The following ATG5 variants were observed in gnomAD, a reference collection of about 807,000 sequenced individuals.
The protein encoded by ATG5 is autophagy related 5.
In ATG5, 14 loss-of-function variants were observed where a neutral mutation model predicts 36.5. That is an observed-to-expected ratio of 0.38 (90% CI 0.25 to 0.60). The LOEUF is 0.60. Among genes scored for constraint, ATG5 ranks in the 20% least tolerant of loss-of-function variants. The pLI, the probability that ATG5 is intolerant of heterozygous loss-of-function variation, is 0.60. For missense variants in ATG5, 195 were observed against 326.7 expected, an observed-to-expected ratio of 0.60 and a Z score of 3.11; for synonymous variants, 95 against 101.5, an observed-to-expected ratio of 0.94 and a Z score of 0.38.
At chr6:106,240,401 TAAG>T (rs748291103) in intron 6 of ATG5, among the ~76,000 whole-genome samples, 186 of 118,750 alleles carry the variant, frequency 1.6e-3, no homozygotes, top group Non-Finnish European at 2.1e-3. Flanking sequence ...AATAAAAAGT[TAAG>T]AAGAAAAGAT....
intron 3 of ATG5, among the ~76,000 whole-genome samples, chr6:106,296,636 G>A (rs1769952139): frequency 1.3e-5 from 2 of 152,084 alleles, no homozygotes; most frequent in African/African-American, 2.4e-5. Flanking sequence ...TGACCAATAA[G>A]GTGAAACCCC....
At chr6:106,194,535 TTTTC>T (rs1234077516) in intron 7 of ATG5, among the ~76,000 whole-genome samples, 9 of 124,460 alleles carry the variant, frequency 7.2e-5, no homozygotes, top group African/African-American at 1.2e-4. Context: ...TTTCTTTTCT[TTTTC>T]TTTTTCTTTT....
intron 7 of ATG5, among the ~76,000 whole-genome samples, chr6:106,191,358 T>C (rs916973810): frequency 3.9e-5 from 6 of 152,064 alleles, no homozygotes; most frequent in African/African-American, 1.2e-4. Flanking sequence ...TGCTTGCTGA[T>C]TTATAACCCA....
chr6:106,253,261 C>A (rs907023356), intron 5 of ATG5, among the ~76,000 whole-genome samples: 1 of 152,152 alleles, frequency 6.6e-6, no homozygotes, highest in African/African-American at 2.4e-5. Flanking sequence ...AGAATCAGCC[C>A]TTGAAAATTC....
At chr6:106,211,913 T>G (rs1776867145) in intron 6 of ATG5, among the ~76,000 whole-genome samples, 2 of 152,224 alleles carry the variant, frequency 1.3e-5, no homozygotes, top group Admixed American at 6.5e-5. Context: ...TTTAAGTCTT[T>G]TGAAACAGGA....
intron 5 of ATG5, among the ~76,000 whole-genome samples, chr6:106,251,134 G>C (rs1778559461): frequency 6.6e-6 from 1 of 152,230 alleles, no homozygotes; most frequent in Non-Finnish European, 1.5e-5. Context: ...TGCTTGCTCT[G>C]GAGGCCTGCA....
intron 7 of ATG5, among the ~76,000 whole-genome samples, chr6:106,187,558 G>T (rs1582521634): frequency 6.6e-6 from 1 of 152,010 alleles, no homozygotes; most frequent in East Asian, 1.9e-4. Context: ...ACAATTCTGG[G>T]TTTGTCTCCT....
At chr6:106,190,747 AAAT>A (rs918260688) in intron 7 of ATG5, among the ~76,000 whole-genome samples, 5 of 152,198 alleles carry the variant, frequency 3.3e-5, no homozygotes, top group African/African-American at 1.2e-4. Context: ...TATAGAAAAA[AAAT>A]AAGAAGAAAA....
chr6:106,316,548 G>C (rs897466215), intron 1 of ATG5, among the ~76,000 whole-genome samples: 29 of 152,212 alleles, frequency 1.9e-4, no homozygotes, highest in Middle Eastern at 3.4e-3. Flanking sequence ...AACTGTATCT[G>C]CATCAGTCTT....
At chr6:106,253,710 G>C (rs1476688858) in intron 5 of ATG5, among the ~76,000 whole-genome samples, 1 of 152,088 alleles carries the variant, frequency 6.6e-6, no homozygotes, top group Non-Finnish European at 1.5e-5. Context: ...CTCTTTTAAA[G>C]TATAAATCAT....
chr6:106,309,332 T>C (rs973219216), intron 2 of ATG5, among the ~76,000 whole-genome samples: 14 of 152,176 alleles, frequency 9.2e-5, no homozygotes, highest in South Asian at 2.1e-4. Flanking sequence ...AGAGATATTC[T>C]GGTTGAAGGA....
rs552751118 is a variant in ATG5, at chr6:106,268,558, T to C, written c.478+11103A>G. ...CCCAAAGGATTATAAATCATTCTAC[T>C]ATAAAGACACATGCAAATGTATGTT... On this transcript the variant is annotated intron_variant, in intron 5 of 7. Transcript: ENST00000369076. Among the ~76,000 whole-genome samples the C allele has an allele frequency of 6.9e-4, 105 of 152,310 alleles. 1 individual carries two copies. The highest frequency in any genetic ancestry group is 6.9e-3 in the Admixed American group (105 of 15,292).
Position 106,186,286 on chromosome 6 carries a change from A to G in ATG5, c.*254T>C. 1 of 413,238 alleles carries G rather than the reference A, an allele frequency of 2.4e-6. No homozygotes were observed. Among genetic ancestry groups the G allele is most frequent in the Non-Finnish European group, 4.3e-6 (1 of 232,548 alleles). The allele number at this position is 413,238 out of a possible 1,614,324, so 25.6% of individuals were successfully genotyped here. A position where few individuals can be genotyped will look rare whatever the true frequency, so the allele number is the denominator to read the frequency against. On this transcript the variant is annotated 3_prime_UTR_variant, in exon 8 of 8. Coordinates refer to ENST00000369076, the MANE Select transcript of ATG5 (RefSeq NM_004849.4). ...TTTCAGCTTCATTATATTTTACAGAAGACCTTCAGTGGTCCGGTAAGTCTT... is the reference window on the plus strand; with the variant it reads ...TTTCAGCTTCATTATATTTTACAGAGGACCTTCAGTGGTCCGGTAAGTCTT...
intron 6 of ATG5, among the ~76,000 whole-genome samples, chr6:106,232,378 G>T (rs146541555): frequency 1.4e-4 from 22 of 152,256 alleles, no homozygotes; most frequent in African/African-American, 5.1e-4. Flanking sequence ...ATGCCTGAAA[G>T]CCCAACTCCC....
chr6:106,194,805 T>A (rs867458298), intron 7 of ATG5, among the ~76,000 whole-genome samples: 3 of 152,182 alleles, frequency 2.0e-5, no homozygotes, highest in Non-Finnish European at 4.4e-5. Flanking sequence ...CACGTTGTTA[T>A]ACATTACATT....
At chr6:106,198,269 C>CT (rs1365170213) in intron 7 of ATG5, among the ~76,000 whole-genome samples, 4 of 152,110 alleles carry the variant, frequency 2.6e-5, no homozygotes, top group Non-Finnish European at 5.9e-5. Context: ...CACTGGTTGT[C>CT]TCTAGAAAGG....
chr6:106,286,544 G>C (rs1303023490), intron 4 of ATG5, among the ~76,000 whole-genome samples: 2 of 152,114 alleles, frequency 1.3e-5, no homozygotes, highest in African/African-American at 4.8e-5. Context: ...TCCACCACCT[G>C]GTATTCCTAT....
At chr6:106,260,309 T>G (rs1778970374) in intron 5 of ATG5, among the ~76,000 whole-genome samples, 1 of 152,218 alleles carries the variant, frequency 6.6e-6, no homozygotes, top group South Asian at 2.1e-4. Flanking sequence ...GAGTGTGGCT[T>G]GGAATTTGAA....
intron 6 of ATG5, among the ~76,000 whole-genome samples, chr6:106,241,920 A>AACACAC: frequency 6.6e-6 from 1 of 151,506 alleles, no homozygotes; most frequent in Non-Finnish European, 1.5e-5. Context: ...TCTCTACACA[A>AACACAC]ACACACACAC....
Sources: gnomAD v4.1 joint callset for allele counts (sites outside exome capture counted in the v4.1 genomes callset) on GRCh38, gnomAD v4.1.1 for gene constraint, MANE v1.5 for transcripts, NCBI Gene and HGNC (gene_info 2026-07-23, HGNC 2026-07-21) for gene names.